The following AIG1 variants were observed in gnomAD, a reference collection of about 807,000 sequenced individuals.
AIG1 encodes the protein androgen-induced gene 1 protein.
In AIG1, 23 loss-of-function variants were observed where a neutral mutation model predicts 31.4. That is an observed-to-expected ratio of 0.73 (90% confidence interval 0.53 to 1.04). The LOEUF (loss-of-function observed/expected upper bound fraction) is 1.04, where lower values mean the gene tolerates loss of function less well. Ranked by LOEUF, AIG1 falls within the 50% of genes least tolerant of loss-of-function variation. The pLI, the probability that AIG1 is intolerant of heterozygous loss-of-function variation, is 0.00. For missense variants in AIG1, 274 were observed against 295.0 expected (o/e 0.93, Z 0.52); for synonymous variants, 100 against 110.5 (o/e 0.90, Z 0.60).
At chr6:143,181,021 G>A (rs1328841711) in intron 3 of AIG1, among the ~76,000 whole-genome samples, 1 of 152,180 alleles carries the variant, frequency 6.6e-6, no homozygotes, top group South Asian at 2.1e-4. Flanking sequence ...TCTTTTGGTA[G>A]ATAGCATGAC....
At chr6:143,215,096 G>T (rs935066332) in intron 3 of AIG1, among the ~76,000 whole-genome samples, 4 of 151,706 alleles carry the variant, frequency 2.6e-5, no homozygotes, top group African/African-American at 9.8e-5. Context: ...CTGGAACATT[G>T]TAGGTGCTCC....
At chr6:143,316,685 G>GA (rs899747980) in intron 4 of AIG1, among the ~76,000 whole-genome samples, 14 of 150,784 alleles carry the variant, frequency 9.3e-5, no homozygotes, top group Admixed American at 8.6e-4. Context: ...AACAAACAAA[G>GA]AAAAAAAATA....
Position 143,270,114 on chromosome 6 carries a change from A to C in AIG1, c.400-13996A>C, listed in dbSNP as rs150900301. The stretch of plus-strand genomic sequence containing the variant: ...CAGGACCCCTACTGTCCAGTACTGC[A>C]GACTCCTATAGATGACAAGTCTGAG... On this transcript the variant is annotated intron_variant, in intron 3 of 5. Coordinates refer to ENST00000357847, the MANE Select transcript of AIG1 (RefSeq NM_016108.4). Among the ~76,000 whole-genome samples the C allele has an allele frequency of 2.0e-5, 3 of 152,328 alleles. No homozygotes were observed. The Middle Eastern group carries it at 0.01, about 518-fold the overall frequency.
At chr6:143,228,887 T>C (rs1312188789) in intron 3 of AIG1, among the ~76,000 whole-genome samples, 1 of 152,202 alleles carries the variant, frequency 6.6e-6, no homozygotes, top group Non-Finnish European at 1.5e-5. Context: ...AGAGTTCAAT[T>C]CTTATTCTCT....
In AIG1 at chr6:143,297,741, CATGTCTCAGCCAGATAGTTTTTTTAAA is replaced by C. The variant is rs555109485; in HGVS notation, c.515+13520_515+13546del. Among the ~76,000 whole-genome samples the C allele has an allele frequency of 1.3e-5, 2 of 152,328 alleles. No individual in the cohort carries two copies. Among genetic ancestry groups the C allele is most frequent in the South Asian group, 2.1e-4 (1 of 4,826 alleles). ...CATACACTGCCTCTCCTCCAATTTT[CATGTCTCAGCCAGATAGTTTTTTTAAA>C]ATGCAAATTTTATCCTGTCAATCCT... On this transcript the variant is annotated intron_variant, in intron 4 of 5. Coordinates refer to ENST00000357847, the MANE Select transcript of AIG1 (RefSeq NM_016108.4). This position sits in a 1 kb window ranked among gnomAD's most constrained non-coding sequence, Gnocchi z 5.1.
intron 4 of AIG1, among the ~76,000 whole-genome samples, chr6:143,302,944 GT>G (rs1196082853): frequency 1.3e-5 from 2 of 152,064 alleles, no homozygotes; most frequent in African/African-American, 4.8e-5. Context: ...GTATCTCATT[GT>G]GGTTTTGATT....
chr6:143,067,873 A>C (rs1255590337), intron 1 of AIG1, among the ~76,000 whole-genome samples: 1 of 152,074 alleles, frequency 6.6e-6, no homozygotes, highest in African/African-American at 2.4e-5. Flanking sequence ...TTTTTTCTTC[A>C]GGAGACTCAG....
intron 3 of AIG1, among the ~76,000 whole-genome samples, chr6:143,252,244 C>A (rs1795060454): frequency 1.3e-5 from 2 of 152,176 alleles, no homozygotes; most frequent in African/African-American, 4.8e-5. Flanking sequence ...CTCAGTCTCC[C>A]GAGTAGCTGG....
intron 3 of AIG1, among the ~76,000 whole-genome samples, chr6:143,274,229 T>G (rs1011074669): frequency 2.0e-5 from 3 of 152,164 alleles, no homozygotes; most frequent in African/African-American, 4.8e-5. Flanking sequence ...ATCCTTCGGT[T>G]GTCCTGGTGC....
At chr6:143,061,778 A>G (rs1562333793) in intron 1 of AIG1, among the ~76,000 whole-genome samples, 1 of 152,232 alleles carries the variant, frequency 6.6e-6, no homozygotes, top group African/African-American at 2.4e-5. Flanking sequence ...TAATCTTGAC[A>G]GGTGCAGGTT....
intron 4 of AIG1, among the ~76,000 whole-genome samples, chr6:143,300,013 T>C (rs904539889): frequency 1.2e-4 from 18 of 152,166 alleles, no homozygotes; most frequent in African/African-American, 3.9e-4. Context: ...GCTAGAATCT[T>C]ATGGGCAAGC....
intron 3 of AIG1, among the ~76,000 whole-genome samples, chr6:143,228,976 C>T (rs920022084): frequency 3.3e-5 from 5 of 152,162 alleles, no homozygotes; most frequent in East Asian, 3.9e-4. Flanking sequence ...TTGGCAGTGC[C>T]GGATCATGCC....
At chr6:143,212,443 C>T (rs925440521) in intron 3 of AIG1, among the ~76,000 whole-genome samples, 11 of 152,180 alleles carry the variant, frequency 7.2e-5, no homozygotes, top group African/African-American at 2.7e-4. Flanking sequence ...TTCAAGCTCC[C>T]TCTGCATCAC....
chr6:143,182,369 T>C (rs1788812402), intron 3 of AIG1, among the ~76,000 whole-genome samples: 1 of 152,204 alleles, frequency 6.6e-6, no homozygotes, highest in Admixed American at 6.5e-5. Flanking sequence ...GTGCCTGGTA[T>C]ATTATAGGTA....
intron 4 of AIG1, among the ~76,000 whole-genome samples, chr6:143,300,847 A>G (rs1055434173): frequency 6.6e-6 from 1 of 152,252 alleles, no homozygotes; most frequent in Non-Finnish European, 1.5e-5. Flanking sequence ...ATGGAGAAGA[A>G]TAAATGTCTG....
intron 3 of AIG1, among the ~76,000 whole-genome samples, chr6:143,180,068 T>C (rs992474575): frequency 1.3e-5 from 2 of 152,246 alleles, no homozygotes; most frequent in Admixed American, 1.3e-4. Context: ...AGTCCACTGA[T>C]GATCAGATGA....
chr6:143,295,388 G>T (rs1034820723), intron 4 of AIG1, among the ~76,000 whole-genome samples: 9 of 152,114 alleles, frequency 5.9e-5, no homozygotes, highest in African/African-American at 2.2e-4. Flanking sequence ...ACTTCTCATT[G>T]CTCCTCAAGA....
At chr6:143,127,201 A>G (rs1444590382) in intron 1 of AIG1, among the ~76,000 whole-genome samples, 2 of 152,040 alleles carry the variant, frequency 1.3e-5, no homozygotes. Context: ...TAATGGTTTT[A>G]TCCTCATATG....
At chr6:143,124,212 T>C (rs576438949) in intron 1 of AIG1, among the ~76,000 whole-genome samples, 2 of 152,330 alleles carry the variant, frequency 1.3e-5, no homozygotes, top group Middle Eastern at 3.4e-3. Flanking sequence ...GAAAGGCCGA[T>C]GTTGAGCTTT....
Sources: gnomAD v4.1 joint callset for allele counts (sites outside exome capture counted in the v4.1 genomes callset) on GRCh38, gnomAD v4.1.1 for gene constraint, Gnocchi (gnomAD v3.1) non-coding constraint, MANE v1.5 for transcripts, NCBI Gene and HGNC (gene_info 2026-07-23, HGNC 2026-07-21) for gene names.